PRDM2: variants seen among roughly 807,000 people sequenced by gnomAD.
The protein encoded by PRDM2 is PR domain zinc finger protein 2.
PRDM2 carries 30 observed loss-of-function variants against 130.0 expected under a neutral mutation model. The observed-to-expected ratio is 0.23, with a 90% CI of 0.17 to 0.31. The LOEUF (loss-of-function observed/expected upper bound fraction) is 0.31, where lower values mean the gene tolerates loss of function less well. Ranked by LOEUF, PRDM2 falls within the 10% of genes least tolerant of loss-of-function variation. PRDM2 has a pLI of 1.00. For synonymous variants in PRDM2, 871 were observed against 782.4 expected, an observed-to-expected ratio of 1.11 and a Z score of -1.89; for missense variants, 2,011 against 2,108.4, an observed-to-expected ratio of 0.95 and a Z score of 0.90.
intron 1 of PRDM2, among the ~76,000 whole-genome samples, chr1:13,701,473 A>G (rs1569636467): frequency 6.6e-6 from 1 of 150,420 alleles, no homozygotes; most frequent in Non-Finnish European, 1.5e-5. Flanking sequence ...AAAAAAAAAC[A>G]TGATAGGAAA....
chr1:13,729,310 G>A (rs1403338116), intron 2 of PRDM2, among the ~76,000 whole-genome samples: 2 of 152,192 alleles, frequency 1.3e-5, no homozygotes, highest in African/African-American at 4.8e-5. Flanking sequence ...TCCTGGGGAG[G>A]ATAAATGGTG....
chr1:13,801,636 G>A (rs1299788423), intron 8 of PRDM2, among the ~76,000 whole-genome samples: 1 of 152,204 alleles, frequency 6.6e-6, no homozygotes, highest in African/African-American at 2.4e-5. Flanking sequence ...AAGTTCTTGG[G>A]AAGATTAAAT....
chr1:13,784,832 T>C (rs1644700838), intron 8 of PRDM2, among the ~76,000 whole-genome samples: 1 of 152,224 alleles, frequency 6.6e-6, no homozygotes, highest in Non-Finnish European at 1.5e-5. Context: ...CTTCCTCCTC[T>C]GTGTGAGGTG....
intron 1 of PRDM2, among the ~76,000 whole-genome samples, chr1:13,707,898 T>C (rs751940766): frequency 2.6e-5 from 4 of 152,018 alleles, no homozygotes; most frequent in Non-Finnish European, 5.9e-5. Context: ...TTAATTTCTT[T>C]AGAGAAACTG....
chr1:13,782,974 G>C (rs1460524491), intron 8 of PRDM2, 143 bp downstream of exon 8: 1 of 1,518,136 alleles, frequency 6.6e-7, no homozygotes, highest in Non-Finnish European at 8.8e-7. Flanking sequence ...AAGGCATGAA[G>C]GGTCATTGCT....
At chr1:13,755,777 A>C in intron 6 of PRDM2, among the ~76,000 whole-genome samples, 1 of 151,270 alleles carries the variant, frequency 6.6e-6, no homozygotes, top group East Asian at 1.9e-4. Flanking sequence ...TAGTTATTTT[A>C]TTTTTCAATA....
chr1:13,716,019 AT>A (rs1209374003), intron 2 of PRDM2, among the ~76,000 whole-genome samples: 14 of 152,172 alleles, frequency 9.2e-5, no homozygotes, highest in African/African-American at 2.9e-4. Context: ...TTGCGGCATT[AT>A]TCACAATAGC....
At chr1:13,762,121 G>A (rs142364087) in intron 6 of PRDM2, among the ~76,000 whole-genome samples, 65 of 152,304 alleles carry the variant, frequency 4.3e-4, no homozygotes, top group Non-Finnish European at 7.1e-4. Context: ...TATTGAGTCT[G>A]TGCCAGGCAC....
intron 2 of PRDM2, among the ~76,000 whole-genome samples, chr1:13,719,026 A>C (rs12755924): frequency 0.19 from 29,630 of 152,196 alleles, 3,848 homozygotes; most frequent in South Asian, 0.32. Flanking sequence ...GGGCTCTGCC[A>C]GTAACATACT....
rs1481751486 is a variant in PRDM2 at position 13,780,403 on chromosome 1, T to G, written c.2608T>G (p.Ser870Ala). The change falls in exon 8 of 10, where the codon TCA (serine) becomes GCA (alanine). Residue 870 changes from serine (S) to alanine (A), a missense_variant. Ser to Ala is a moderately conservative substitution (Grantham distance 99). Transcript: ENST00000311066. ...AGGCAAGGAATTCAAAGAAAGTCAT[T>G]CAGTGCAGCCTACGTGTAGTGCTGT... ...SEGKEFKESHSVQPTCSAVKK... is the reference protein window; with the variant it reads ...SEGKEFKESHAVQPTCSAVKK... 1 of 1,614,016 alleles carries G rather than the reference T, an allele frequency of 6.2e-7. No individual in the cohort carries two copies. The highest frequency in any genetic ancestry group is 1.3e-5 in the African/African-American group (1 of 74,908).
chr1:13,759,460 A>T (rs1480797548), intron 6 of PRDM2, among the ~76,000 whole-genome samples: 1 of 152,158 alleles, frequency 6.6e-6, no homozygotes, highest in Non-Finnish European at 1.5e-5. Context: ...TTTGAGATGT[A>T]GGATATGCCT....
In PRDM2 at chr1:13,781,788, C is replaced by T. The variant is rs140013471; in HGVS notation, c.3993C>T (p.Thr1331=). ...TTHNIPQTFT[T]AIRCTKCGKG... ...ACAATATTCCACAGACTTTCACTAC[C>T]GCCATTCGCTGCACAAAGTGTGGAA... The change falls in exon 8 of 10, where the codon ACC becomes ACT. Residue 1331 remains threonine, a synonymous_variant. Coordinates refer to ENST00000311066, the MANE Select transcript of PRDM2 (RefSeq NM_001393986.1). The surrounding 1 kb of genome is among the most constrained non-coding windows in gnomAD (Gnocchi z 6.1). 543 of 1,614,166 alleles carry T rather than the reference C, an allele frequency of 3.4e-4. 2 individuals carry two copies. In the Admixed American group the frequency reaches 6.3e-3, roughly 19 times the overall value.
chr1:13,709,773 T>A (rs1301667961), intron 1 of PRDM2, among the ~76,000 whole-genome samples: 1 of 152,216 alleles, frequency 6.6e-6, no homozygotes, highest in Non-Finnish European at 1.5e-5. Context: ...TTACTCTTTA[T>A]CCATAAACTT....
At position 13,782,368 on chromosome 1, in the gene PRDM2, C is replaced by G. The variant is rs1351037794; in HGVS notation, c.4573C>G (p.Gln1525Glu). ...RRTADAEIKM[Q>E]SMQTPLGKTR... ...GACAGCGGATGCGGAGATTAAAATG[C>G]AAAGCATGCAGACTCCGTTGGGCAA... is the stretch of plus-strand genomic sequence containing the variant. The change falls in exon 8 of 10, where the codon CAA becomes GAA. Residue 1525 changes from glutamine (Q) to glutamate (E), a missense_variant. Coordinates refer to ENST00000311066, the MANE Select transcript of PRDM2 (RefSeq NM_001393986.1). 13 of 1,613,964 alleles carry G rather than the reference C, an allele frequency of 8.1e-6. No individual in the cohort carries two copies. Among genetic ancestry groups the G allele is most frequent in the Non-Finnish European group, 1.1e-5 (13 of 1,180,006 alleles).
chr1:13,776,564 C>T (rs1296972775), intron 7 of PRDM2, among the ~76,000 whole-genome samples: 1 of 152,124 alleles, frequency 6.6e-6, no homozygotes, highest in African/African-American at 2.4e-5. Context: ...TAATAGTCTC[C>T]CTGTCTCTCC....
intron 9 of PRDM2, among the ~76,000 whole-genome samples, chr1:13,819,353 TAC>T (rs893037610): frequency 6.6e-6 from 1 of 152,338 alleles, no homozygotes; most frequent in South Asian, 2.1e-4. Context: ...TTTAAAAACA[TAC>T]AGTTTCCCAA....
chr1:13,814,035 G>C (rs1251951985), intron 8 of PRDM2, among the ~76,000 whole-genome samples: 1 of 152,182 alleles, frequency 6.6e-6, no homozygotes, highest in Non-Finnish European at 1.5e-5. Context: ...CTACACCACT[G>C]TAGACATTTC....
chr1:13,791,369 T>TA (rs1644835732), intron 8 of PRDM2, among the ~76,000 whole-genome samples: 1 of 152,186 alleles, frequency 6.6e-6, no homozygotes, highest in African/African-American at 2.4e-5. Flanking sequence ...AAGCTGGCTT[T>TA]TATAGAGCCA....
At chr1:13,745,190 G>T (rs909834076) in intron 5 of PRDM2, among the ~76,000 whole-genome samples, 1 of 152,158 alleles carries the variant, frequency 6.6e-6, no homozygotes, top group African/African-American at 2.4e-5. Context: ...AAGTAAATAA[G>T]AAAGTAATTT....
Sources: allele counts gnomAD v4.1 joint callset (sites outside exome capture counted in the v4.1 genomes callset), GRCh38; gene constraint gnomAD v4.1.1; non-coding constraint Gnocchi (gnomAD v3.1); transcripts MANE v1.5; gene names NCBI Gene and HGNC (gene_info 2026-07-23, HGNC 2026-07-21).